Variants in GATA4 observed in about 807,000 individuals in gnomAD.
GATA4 encodes GATA binding protein 4, also known as transcription factor GATA-4.
A neutral mutation model predicts 37.9 loss-of-function variants in GATA4; 7 were observed. The ratio of observed to expected loss-of-function variants is 0.18; its 90% CI spans 0.11 to 0.35. GATA4 has a LOEUF of 0.35. Ranked by LOEUF, GATA4 falls within the 10% of genes least tolerant of loss-of-function variation. The probability of loss-of-function intolerance (pLI) is 1.00; values close to 1 mark genes in which losing one functional copy is unlikely to be tolerated. For synonymous variants in GATA4, 372 were observed against 292.6 expected (o/e 1.27, Z -2.77); for missense variants, 647 against 653.0 (o/e 0.99, Z 0.10).
At chr8:11,705,137 G>C (rs2130046762) in intron 1 of GATA4, among the ~76,000 whole-genome samples, 1 of 152,346 alleles carries the variant, frequency 6.6e-6, no homozygotes, top group East Asian at 1.9e-4. Context: ...GAAAGAGCGT[G>C]GTGGGGGACC....
rs1217283118 is a variant in GATA4 at position 11,708,298 on chromosome 8, G to A, written c.-15G>A. 1.3e-6 allele frequency: 2 copies of A among 1,576,036 alleles called. No individual in the cohort carries two copies. The highest frequency in any genetic ancestry group is 1.7e-6 in the Non-Finnish European group (2 of 1,168,422). Reference sequence around the variant, plus strand: ...GGGAGAGAGAGGACACCGAAGCCGGGAGCTCGCAGGGACCATGTATCAGAG... The same window carrying A: ...GGGAGAGAGAGGACACCGAAGCCGGAAGCTCGCAGGGACCATGTATCAGAG... On this transcript the variant is annotated 5_prime_UTR_variant, in exon 2 of 7. Transcript: ENST00000532059. This position sits in a 1 kb window ranked among gnomAD's most constrained non-coding sequence, Gnocchi z 6.7.
chr8:11,757,537 C>T (rs73541819), intron 6 of GATA4, among the ~76,000 whole-genome samples: 3,491 of 152,252 alleles, frequency 0.023, 135 homozygotes, highest in African/African-American at 0.079. Flanking sequence ...CTGCCTCCTA[C>T]GTGCAGGGAG....
At chr8:11,704,873 C>T (rs936621635) in intron 1 of GATA4, among the ~76,000 whole-genome samples, 1 of 152,208 alleles carries the variant, frequency 6.6e-6, no homozygotes, top group African/African-American at 2.4e-5. Flanking sequence ...TCCTCGCCCT[C>T]GGGGCTGGGG....
At chr8:11,725,731 A>G (rs1049053794) in intron 2 of GATA4, among the ~76,000 whole-genome samples, 2 of 152,116 alleles carry the variant, frequency 1.3e-5, no homozygotes. Context: ...GCTCACAGCG[A>G]GTGCTGACCC....
chr8:11,753,929 C>T (rs1284267753), intron 4 of GATA4, among the ~76,000 whole-genome samples: 2 of 152,188 alleles, frequency 1.3e-5, no homozygotes, highest in Non-Finnish European at 2.9e-5. Context: ...ACCCTGCAGT[C>T]CTGCTCCCCA....
In GATA4 at chr8:11,758,918, C is replaced by G; in HGVS notation, c.*443C>G. ...CCTGGATGCGACGGGCCCCTGGGGA[C>G]AGGCCCTTGCCCCATCCATCCGCTT... On this transcript the variant is annotated 3_prime_UTR_variant, in exon 7 of 7. Transcript: ENST00000532059. The G allele has an allele frequency of 3.3e-6, 1 of 306,154 alleles. No individual in the cohort carries two copies. The highest frequency in any genetic ancestry group is 4.5e-5 in the Admixed American group (1 of 22,422). 19.0% of individuals were successfully genotyped at this position (306,154 alleles called of 1,614,324 possible).
At chr8:11,683,534 C>G (rs1014381964) in intron 1 of GATA4, among the ~76,000 whole-genome samples, 1 of 152,194 alleles carries the variant, frequency 6.6e-6, no homozygotes, top group Non-Finnish European at 1.5e-5. Flanking sequence ...TTCCTTGAGA[C>G]TAGGTAGACT....
intron 1 of GATA4, among the ~76,000 whole-genome samples, chr8:11,678,627 A>C (rs1450562918): frequency 6.6e-6 from 1 of 152,252 alleles, no homozygotes; most frequent in African/African-American, 2.4e-5. Context: ...TTATCATCAC[A>C]AAATTGGATT....
At chr8:11,688,308 A>C (rs937131261), upstream of GATA4, among the ~76,000 whole-genome samples, 1 of 152,216 alleles carries the variant, frequency 6.6e-6, no homozygotes, top group African/African-American at 2.4e-5. Context: ...TTTGCATTTC[A>C]GAAATAGGCA....
rs368991748 is a variant in GATA4, at chr8:11,758,303, T to C, written c.1160T>C (p.Val387Ala). 7.4e-6 allele frequency: 12 copies of C among 1,614,026 alleles called. No homozygotes were observed. Among genetic ancestry groups the C allele is most frequent in the Admixed American group, 1.7e-5 (1 of 60,012 alleles). The change falls in exon 7 of 7, where the codon GTC becomes GCC. Residue 387 changes from valine to alanine, a missense_variant. By Grantham distance (64) the Val-to-Ala change is moderately conservative. This residue lies in a region of GATA4 where 184 missense variants were observed against 157.1 expected (regional missense o/e 1.17). Coordinates refer to ENST00000532059, the MANE Select transcript of GATA4 (RefSeq NM_001308093.3). ...HSSSVSQTFS[V>A]SAMSGHGPSI... ...CTTTCTGCTTTTCAGACGTTCTCAG[T>C]CAGTGCGATGTCTGGCCATGGGCCC...
intron 2 of GATA4, among the ~76,000 whole-genome samples, chr8:11,714,446 C>T (rs990275165): frequency 6.6e-6 from 1 of 152,124 alleles, no homozygotes. Context: ...TAGTGGCTTT[C>T]AAAGCCGGTT....
chr8:11,752,278 T>A (rs1034094476), intron 4 of GATA4, among the ~76,000 whole-genome samples: 3 of 152,162 alleles, frequency 2.0e-5, no homozygotes, highest in Admixed American at 2.0e-4. Context: ...AATATACACG[T>A]ATAGGTGTAT....
At chr8:11,693,562 C>CACACAGAGAGAGAGAGAGAGAGAG (rs1405047773) in intron 1 of GATA4, among the ~76,000 whole-genome samples, 2 of 72,146 alleles carry the variant, frequency 2.8e-5, no homozygotes, top group South Asian at 7.2e-4. Context: ...CACACACACA[C>CACACAGAGAGAGAGAGAGAGAGAG]AGAGAGAGAG....
At chr8:11,693,835 T>C (rs1465897267) in intron 1 of GATA4, among the ~76,000 whole-genome samples, 1 of 152,130 alleles carries the variant, frequency 6.6e-6, no homozygotes, top group Non-Finnish European at 1.5e-5. Context: ...TCATAGGTTA[T>C]GGGTGTGGGT....
At chr8:11,733,191 A>C (rs1198789201) in intron 2 of GATA4, among the ~76,000 whole-genome samples, 1 of 152,186 alleles carries the variant, frequency 6.6e-6, no homozygotes, top group African/African-American at 2.4e-5. Context: ...GGATTGGAAA[A>C]GTTGGCAGCA....
intron 2 of GATA4, among the ~76,000 whole-genome samples, chr8:11,719,139 T>G (rs971579036): frequency 6.6e-6 from 1 of 152,198 alleles, no homozygotes; most frequent in Non-Finnish European, 1.5e-5. Context: ...GGGTTGAAAT[T>G]GTGTCTCCGT....
chr8:11,691,143 C>G (rs1398464011), upstream of GATA4, among the ~76,000 whole-genome samples: 2 of 152,204 alleles, frequency 1.3e-5, no homozygotes, highest in Non-Finnish European at 2.9e-5. Flanking sequence ...ATAGCAATGT[C>G]CAGTGTTACT....
intron 4 of GATA4, among the ~76,000 whole-genome samples, chr8:11,754,103 G>T (rs371431734): frequency 6.6e-6 from 1 of 152,220 alleles, no homozygotes; most frequent in Non-Finnish European, 1.5e-5. Context: ...AATGGCTCCA[G>T]CCAGACCCAA....
intron 1 of GATA4, among the ~76,000 whole-genome samples, chr8:11,706,293 T>C (rs1799885609): frequency 6.6e-6 from 1 of 152,240 alleles, no homozygotes; most frequent in Non-Finnish European, 1.5e-5. Flanking sequence ...GTATTAAAGA[T>C]TCCATTTCCA....
Sources: gnomAD v4.1 joint callset for allele counts (sites outside exome capture counted in the v4.1 genomes callset) on GRCh38, gnomAD v4.1.1 for gene constraint, gnomAD v4.1.1 regional missense constraint, Gnocchi (gnomAD v3.1) non-coding constraint, MANE v1.5 for transcripts, NCBI Gene and HGNC (gene_info 2026-07-23, HGNC 2026-07-21) for gene names.